Variants in MZT1 observed in about 807,000 individuals in gnomAD.
MZT1 encodes the protein mitotic spindle organizing protein 1, also known as mitotic-spindle organizing protein 1.
Under a neutral mutation model 8.5 loss-of-function variants are expected in MZT1, and 8 were observed. The ratio of observed to expected loss-of-function variants is 0.94; its 90% CI spans 0.55 to 1.70. The LOEUF (loss-of-function observed/expected upper bound fraction) is 1.70. Among genes scored for constraint, MZT1 ranks in the 40% most tolerant of loss-of-function variants. The pLI, the probability that MZT1 is intolerant of heterozygous loss-of-function variation, is 0.00. For missense variants in MZT1, 93 were observed against 108.6 expected (o/e 0.86, Z 0.64); for synonymous variants, 38 against 42.0 (o/e 0.90, Z 0.37).
intron 2 of MZT1, among the ~76,000 whole-genome samples, chr13:72,717,839 C>T (rs185501497): frequency 5.9e-5 from 9 of 152,278 alleles, no homozygotes; most frequent in East Asian, 1.9e-4. Context: ...CCAGAATTGC[C>T]TCAACATTCA....
chr13:72,709,919 A>C lies in MZT1; in HGVS notation c.*403T>G, dbSNP rs1236152493. 1 of 162,318 alleles carries C rather than the reference A, an allele frequency of 6.2e-6. No homozygotes were observed. Among genetic ancestry groups the C allele is most frequent in the Non-Finnish European group, 1.3e-5 (1 of 75,054 alleles). The allele number at this position is 162,318 out of a possible 1,614,324, so 10.1% of individuals were successfully genotyped here. On this transcript the variant is annotated 3_prime_UTR_variant, in exon 3 of 3. Coordinates refer to ENST00000377818, the MANE Select transcript of MZT1 (RefSeq NM_001071775.3). ...CATAAACAATTCAAAATTAAAGTTT[A>C]TAATGGAAATGTCAACAAGTCATAA...
intron 1 of MZT1, among the ~76,000 whole-genome samples, chr13:72,725,288 T>C (rs1319569642): frequency 6.6e-6 from 1 of 152,098 alleles, no homozygotes; most frequent in African/African-American, 2.4e-5. Flanking sequence ...TGTAGAATTT[T>C]AGGGATATAA....
intron 1 of MZT1, among the ~76,000 whole-genome samples, chr13:72,726,915 T>G (rs1315995914): frequency 1.3e-5 from 2 of 152,152 alleles, no homozygotes; most frequent in African/African-American, 2.4e-5. Flanking sequence ...CACACGTGCC[T>G]CCGGGGCCGA....
intron 1 of MZT1, among the ~76,000 whole-genome samples, chr13:72,727,031 G>A (rs113451984): frequency 1.2e-3 from 189 of 152,330 alleles, no homozygotes; most frequent in African/African-American, 4.3e-3. Flanking sequence ...GATATTAAAG[G>A]TGCCTACTTA....
chr13:72,713,011 G>A (rs1241401609), intron 2 of MZT1, among the ~76,000 whole-genome samples: 1 of 152,134 alleles, frequency 6.6e-6, no homozygotes, highest in Non-Finnish European at 1.5e-5. Flanking sequence ...GTCAGGGAAT[G>A]TGCCCATGCT....
At chr13:72,711,695 G>T (rs375171872) in intron 2 of MZT1, among the ~76,000 whole-genome samples, 2 of 63,302 alleles carry the variant, frequency 3.2e-5, no homozygotes, top group African/African-American at 7.9e-5. Flanking sequence ...AAAACTGAAA[G>T]AAATTAACAA....
intron 1 of MZT1, among the ~76,000 whole-genome samples, chr13:72,722,705 C>T (rs2032602756): frequency 6.6e-6 from 1 of 152,192 alleles, no homozygotes; most frequent in Admixed American, 6.5e-5. Context: ...TTCAGTGAGG[C>T]AGGGTAGCAT....
At position 72,709,424 on chromosome 13, in the gene MZT1, CCATT is replaced by C. The variant is rs2032465175; in HGVS notation, c.*894_*897del. ...ACCCATCTAATAATTTATTAAATAA[CCATT>C]CAAGATTTATTAGGTAAGCACTAAA... On this transcript the variant is annotated 3_prime_UTR_variant, in exon 3 of 3. Transcript: ENST00000377818. 1 of 151,778 alleles carries C rather than the reference CCATT, an allele frequency of 6.6e-6. No individual in the cohort carries two copies. Among genetic ancestry groups the C allele is most frequent in the South Asian group, 2.1e-4 (1 of 4,824 alleles). 9.4% of individuals were successfully genotyped at this position (151,778 alleles called of 1,614,324 possible). A position where few individuals can be genotyped will look rare whatever the true frequency, so the allele number is the denominator to read the frequency against.
intron 1 of MZT1, among the ~76,000 whole-genome samples, chr13:72,723,657 C>G (rs532859490): frequency 6.6e-6 from 1 of 152,158 alleles, no homozygotes; most frequent in African/African-American, 2.4e-5. Context: ...AAAAAAAAAT[C>G]TGAAATCCAA....
intron 1 of MZT1, among the ~76,000 whole-genome samples, chr13:72,726,096 C>T (rs9600017): frequency 0.77 from 116,685 of 151,764 alleles, 45,932 homozygotes; most frequent in East Asian, 0.98. Context: ...AAAACCAGGA[C>T]CAGTGCAGAA....
chr13:72,719,306 A>ATAAC (rs1313270951), intron 1 of MZT1, among the ~76,000 whole-genome samples: 3 of 152,154 alleles, frequency 2.0e-5, no homozygotes, highest in Non-Finnish European at 4.4e-5. Context: ...TTCCCTTCAC[A>ATAAC]TAACTGCCTT....
chr13:72,715,902 T>C (rs2032530646), intron 2 of MZT1, among the ~76,000 whole-genome samples: 1 of 152,020 alleles, frequency 6.6e-6, no homozygotes, highest in Non-Finnish European at 1.5e-5. Flanking sequence ...ACAAATTATC[T>C]GGTCTCCGGT....
At chr13:72,714,943 C>T (rs1427244946) in intron 2 of MZT1, among the ~76,000 whole-genome samples, 1 of 152,186 alleles carries the variant, frequency 6.6e-6, no homozygotes, top group African/African-American at 2.4e-5. Flanking sequence ...TACACAATGT[C>T]CTCACTGGGG....
chr13:72,722,432 T>G (rs1293937556), intron 1 of MZT1, among the ~76,000 whole-genome samples: 1 of 152,208 alleles, frequency 6.6e-6, no homozygotes, highest in Non-Finnish European at 1.5e-5. Flanking sequence ...TTACTACCAC[T>G]TTCCCTCTTT....
chr13:72,723,243 C>G (rs1030638096), intron 1 of MZT1, among the ~76,000 whole-genome samples: 1 of 152,202 alleles, frequency 6.6e-6, no homozygotes, highest in Non-Finnish European at 1.5e-5. Context: ...TAGTCCATCT[C>G]ATTTGTGGTT....
At chr13:72,720,856 C>T (rs1281007418) in intron 1 of MZT1, among the ~76,000 whole-genome samples, 4 of 152,118 alleles carry the variant, frequency 2.6e-5, no homozygotes, top group African/African-American at 9.7e-5. Flanking sequence ...CCATTGCACT[C>T]CAGCCTGGGC....
At chr13:72,726,296 T>C (rs2032655718) in intron 1 of MZT1, among the ~76,000 whole-genome samples, 1 of 152,130 alleles carries the variant, frequency 6.6e-6, no homozygotes, top group African/African-American at 2.4e-5. Flanking sequence ...CCGGGTGTTC[T>C]GGCGGGCACC....
At chr13:72,724,717 T>TATATATATATATATATATATAC (rs1171239055) in intron 1 of MZT1, among the ~76,000 whole-genome samples, 1 of 46,396 alleles carries the variant, frequency 2.2e-5, no homozygotes, top group African/African-American at 4.8e-5. Flanking sequence ...TATATATATA[T>TATATATATATATATATATATAC]ACATATATAT....
chr13:72,712,315 C>G (rs2032495842), intron 2 of MZT1, among the ~76,000 whole-genome samples: 1 of 152,130 alleles, frequency 6.6e-6, no homozygotes, highest in Admixed American at 6.5e-5. Context: ...CCATACCCAG[C>G]TAACTAAAAT....
Sources: gnomAD v4.1 joint callset for allele counts (sites outside exome capture counted in the v4.1 genomes callset) on GRCh38, gnomAD v4.1.1 for gene constraint, MANE v1.5 for transcripts, NCBI Gene and HGNC (gene_info 2026-07-23, HGNC 2026-07-21) for gene names.